The following PIK3CB variants were observed in gnomAD, a reference collection of about 807,000 sequenced individuals.
PIK3CB encodes the protein phosphatidylinositol 4,5-bisphosphate 3-kinase catalytic subunit beta isoform.
A neutral mutation model predicts 136.8 loss-of-function variants in PIK3CB; 39 were observed. The observed-to-expected ratio is 0.29, with a 90% CI of 0.22 to 0.37. The LOEUF (loss-of-function observed/expected upper bound fraction) is 0.37, where lower values mean the gene tolerates loss of function less well. PIK3CB is among the 10% of genes least tolerant of loss of function. The pLI is 1.00. For missense variants in PIK3CB, 868 were observed against 1,275.4 expected (o/e 0.68, Z 4.87); for synonymous variants, 428 against 436.6 (o/e 0.98, Z 0.25).
At chr3:138,781,291 CAA>C (rs60812016) in intron 2 of PIK3CB, among the ~76,000 whole-genome samples, 8 of 113,648 alleles carry the variant, frequency 7.0e-5, no homozygotes, top group Non-Finnish European at 5.6e-5. Context: ...GATCTTATCT[CAA>C]AAAAAAAAAA....
intron 1 of PIK3CB, among the ~76,000 whole-genome samples, chr3:138,832,507 C>A (rs55939514): frequency 6.6e-6 from 1 of 151,646 alleles, no homozygotes; most frequent in Admixed American, 6.6e-5. Flanking sequence ...GCCTGGCCAA[C>A]ATGGCAAAAC....
In PIK3CB at chr3:138,708,869, A is replaced by G. The variant is rs543449606; in HGVS notation, c.1400-1580T>C. 7.2e-4 allele frequency among the ~76,000 whole-genome samples: 109 copies of G among 152,300 alleles called. 1 individual carries two copies. Among genetic ancestry groups the G allele is most frequent in the South Asian group, 1.2e-3 (6 of 4,824 alleles). On this transcript the variant is annotated intron_variant, in intron 10 of 23. Transcript: ENST00000674063. ...ATGCAACCTAACTGAAATCAAATTT[A>G]GTATTTTAGTACTTATTAGCCCCAT...
intron 1 of PIK3CB, among the ~76,000 whole-genome samples, chr3:138,799,347 T>C (rs1401939315): frequency 6.6e-6 from 1 of 151,876 alleles, no homozygotes; most frequent in South Asian, 2.1e-4. Flanking sequence ...CTGGCTATTT[T>C]TTTTTGTATA....
intron 2 of PIK3CB, among the ~76,000 whole-genome samples, chr3:138,779,422 ACT>A (rs2045899180): frequency 9.0e-6 from 1 of 111,380 alleles, no homozygotes; most frequent in Admixed American, 1.2e-4. Context: ...ACAGGCTGTC[ACT>A]CTGTCACCCA....
intron 19 of PIK3CB, among the ~76,000 whole-genome samples, chr3:138,677,508 G>A (rs2043673099): frequency 6.6e-6 from 1 of 152,164 alleles, no homozygotes; most frequent in South Asian, 2.1e-4. Context: ...AATATAAGGA[G>A]TTGTTAAATA....
At chr3:138,824,638 A>T (rs1392959044) in intron 1 of PIK3CB, among the ~76,000 whole-genome samples, 1 of 151,950 alleles carries the variant, frequency 6.6e-6, no homozygotes, top group Non-Finnish European at 1.5e-5. Context: ...GGTTGCAGTG[A>T]GCCAAGATCA....
chr3:138,788,026 G>A (rs553609519), intron 2 of PIK3CB, among the ~76,000 whole-genome samples: 2 of 150,608 alleles, frequency 1.3e-5, no homozygotes, highest in East Asian at 2.0e-4. Flanking sequence ...AGGTTCAAAC[G>A]ATTCTCCTGC....
intron 1 of PIK3CB, among the ~76,000 whole-genome samples, chr3:138,830,479 G>A (rs1308108161): frequency 2.0e-5 from 3 of 152,108 alleles, no homozygotes; most frequent in Non-Finnish European, 4.4e-5. Context: ...CTTGAACCCG[G>A]GAGGCGGAGG....
intron 2 of PIK3CB, among the ~76,000 whole-genome samples, chr3:138,790,513 T>A (rs2046035830): frequency 6.6e-6 from 1 of 151,232 alleles, no homozygotes; most frequent in Non-Finnish European, 1.5e-5. Flanking sequence ...TTTTTTTTTT[T>A]AAACCCTGAG....
chr3:138,704,293 A>C, intron 12 of PIK3CB, 150 bp downstream of exon 12: 1 of 644,722 alleles, frequency 1.6e-6, no homozygotes. Flanking sequence ...CCATTTAACA[A>C]AACACTATCA....
chr3:138,701,254 GA>G (rs2044246789), intron 12 of PIK3CB, among the ~76,000 whole-genome samples: 2 of 150,922 alleles, frequency 1.3e-5, no homozygotes, highest in Non-Finnish European at 3.0e-5. Flanking sequence ...AAAAAACACT[GA>G]AGAACTGTTT....
At chr3:138,668,297 G>C (rs909930976) in intron 19 of PIK3CB, among the ~76,000 whole-genome samples, 2 of 152,060 alleles carry the variant, frequency 1.3e-5, no homozygotes, top group Non-Finnish European at 2.9e-5. Flanking sequence ...TTGCAGCCAA[G>C]GTAGGCAGAA....
chr3:138,725,593 C>T (rs980238145), intron 8 of PIK3CB, among the ~76,000 whole-genome samples: 3 of 152,140 alleles, frequency 2.0e-5, no homozygotes, highest in Non-Finnish European at 4.4e-5. Context: ...GTTCACTGAT[C>T]CTTTCCTTTT....
At chr3:138,691,370 T>G (rs947120545) in intron 14 of PIK3CB, among the ~76,000 whole-genome samples, 2 of 152,206 alleles carry the variant, frequency 1.3e-5, no homozygotes, top group African/African-American at 4.8e-5. Flanking sequence ...ATACTAGAGA[T>G]ATTTTAATCA....
Position 138,733,414 on chromosome 3 carries a change from A to G in PIK3CB, c.997T>C (p.Phe333Leu), listed in dbSNP as rs377621585. Residue 333 changes from phenylalanine (F) to leucine (L), a missense_variant, in exon 8 of 24, where the codon TTC becomes CTC. By Grantham distance (22) the Phe-to-Leu change is conservative. This residue lies in a region of PIK3CB where 612 missense variants were observed against 801.1 expected (regional missense o/e 0.76). Coordinates refer to ENST00000674063, the MANE Select transcript of PIK3CB (RefSeq NM_006219.3). ...TTTCCCTTAACCAAGACAATTTGGA[A>G]AGGGTTGTTATTTTCCCAAACATGC... ...ISHVWENNNPFQIVLVKGNKL... is the reference protein window; with the variant it reads ...ISHVWENNNPLQIVLVKGNKL... 14 of 1,556,720 alleles carry G rather than the reference A, an allele frequency of 9.0e-6. No homozygotes were observed. In the African/African-American group the frequency reaches 1.6e-4, roughly 18 times the overall value.
intron 21 of PIK3CB, among the ~76,000 whole-genome samples, chr3:138,663,297 T>TTA (rs1357664121): frequency 3.9e-5 from 6 of 152,222 alleles, no homozygotes; most frequent in Non-Finnish European, 7.3e-5. Context: ...TCCAGTACAT[T>TTA]ATCCGCTCCT....
At chr3:138,713,765 C>CT (rs1169565445) in intron 9 of PIK3CB, among the ~76,000 whole-genome samples, 5 of 152,134 alleles carry the variant, frequency 3.3e-5, no homozygotes, top group African/African-American at 1.2e-4. Flanking sequence ...CCTATCCCCA[C>CT]CAAAAAGCTT....
chr3:138,769,160 C>T (rs140971729), intron 2 of PIK3CB, among the ~76,000 whole-genome samples: 228 of 152,298 alleles, frequency 1.5e-3, no homozygotes, highest in African/African-American at 5.3e-3. Context: ...AGCATGCAGC[C>T]CCGGCCACAC....
intron 2 of PIK3CB, among the ~76,000 whole-genome samples, chr3:138,764,156 A>G (rs928245571): frequency 2.7e-5 from 4 of 150,700 alleles, no homozygotes; most frequent in Non-Finnish European, 3.0e-5. Flanking sequence ...TATATCTAAA[A>G]TGAATTACAA....
Sources: allele counts gnomAD v4.1 joint callset (sites outside exome capture counted in the v4.1 genomes callset), GRCh38; gene constraint gnomAD v4.1.1; regional missense constraint gnomAD v4.1.1; transcripts MANE v1.5; gene names NCBI Gene and HGNC (gene_info 2026-07-23, HGNC 2026-07-21).